Variants in PCCA observed in about 807,000 individuals in gnomAD.
PCCA encodes the protein propionyl-CoA carboxylase alpha chain, mitochondrial.
PCCA carries 74 observed loss-of-function variants against 101.3 expected under a neutral mutation model. The observed-to-expected ratio is 0.73, with a 90% CI of 0.61 to 0.89. The LOEUF is 0.89. PCCA is among the 40% of genes least tolerant of loss of function. PCCA has a pLI of 0.00. For synonymous variants in PCCA, 294 were observed against 313.6 expected, an observed-to-expected ratio of 0.94 and a Z score of 0.66; for missense variants, 891 against 907.0, an observed-to-expected ratio of 0.98 and a Z score of 0.23.
chr13:100,164,924 A>G (rs2054875036), intron 6 of PCCA, among the ~76,000 whole-genome samples: 1 of 152,210 alleles, frequency 6.6e-6, no homozygotes, highest in Admixed American at 6.5e-5. Flanking sequence ...GGTACCTCAC[A>G]TAAGTGGAAT....
chr13:100,131,179 T>C (rs2050479780), intron 4 of PCCA, among the ~76,000 whole-genome samples: 1 of 152,088 alleles, frequency 6.6e-6, no homozygotes, highest in Admixed American at 6.5e-5. Flanking sequence ...CCTCATTCTC[T>C]GTGAGGTCTG....
chr13:100,415,208 A>G (rs1325172161), intron 19 of PCCA, among the ~76,000 whole-genome samples: 1 of 149,086 alleles, frequency 6.7e-6, no homozygotes, highest in Non-Finnish European at 1.5e-5. Flanking sequence ...GATCGAGACC[A>G]GCCTGGGCAC....
intron 18 of PCCA, among the ~76,000 whole-genome samples, chr13:100,361,459 T>TAA (rs781588470): frequency 0.65 from 98,317 of 150,710 alleles, 32,831 homozygotes; most frequent in Middle Eastern, 0.8. Context: ...TTTTTTTTTT[T>TAA]AAATCTGCTG....
intron 22 of PCCA, among the ~76,000 whole-genome samples, chr13:100,519,018 TAA>T (rs1259592478): frequency 6.6e-6 from 1 of 152,234 alleles, no homozygotes; most frequent in Non-Finnish European, 1.5e-5. Context: ...TGAAGTCAAA[TAA>T]AGTCATGATG....
intron 21 of PCCA, among the ~76,000 whole-genome samples, chr13:100,463,947 C>T (rs1430051253): frequency 6.6e-6 from 1 of 152,134 alleles, no homozygotes; most frequent in East Asian, 1.9e-4. Context: ...GATCTGTTGC[C>T]ACCTGCCAAA....
chr13:100,515,690 A>C (rs2086786944), intron 22 of PCCA, 123 bp downstream of exon 22: 2 of 1,129,304 alleles, frequency 1.8e-6, no homozygotes, highest in African/African-American at 1.5e-5. Flanking sequence ...CGCCCCCTAA[A>C]CAGCAAAATC....
At chr13:100,425,235 A>AG (rs2079062721) in intron 19 of PCCA, among the ~76,000 whole-genome samples, 1 of 152,242 alleles carries the variant, frequency 6.6e-6, no homozygotes, top group South Asian at 2.1e-4. Flanking sequence ...AAATTAACAC[A>AG]GAAAAAGTTC....
At chr13:100,435,857 A>G (rs2079892301) in intron 20 of PCCA, among the ~76,000 whole-genome samples, 1 of 152,122 alleles carries the variant, frequency 6.6e-6, no homozygotes, top group Non-Finnish European at 1.5e-5. Context: ...CAGTCTGGCC[A>G]ACATCGTGAA....
At chr13:100,167,012 C>T (rs975692311) in intron 6 of PCCA, among the ~76,000 whole-genome samples, 9 of 152,010 alleles carry the variant, frequency 5.9e-5, no homozygotes, top group Non-Finnish European at 7.4e-5. Flanking sequence ...ATATCTTTGT[C>T]GATGTGTTTG....
chr13:100,443,381 G>A (rs919471736), intron 20 of PCCA, among the ~76,000 whole-genome samples: 1 of 151,696 alleles, frequency 6.6e-6, no homozygotes, highest in African/African-American at 2.4e-5. Flanking sequence ...CTGGAGTCCA[G>A]GCAGTTGCTG....
intron 8 of PCCA, among the ~76,000 whole-genome samples, chr13:100,252,724 C>T (rs771345200): frequency 6.6e-6 from 1 of 152,120 alleles, no homozygotes; most frequent in Non-Finnish European, 1.5e-5. Context: ...TCCTAAGCTC[C>T]TAGAATCTTC....
intron 12 of PCCA, among the ~76,000 whole-genome samples, chr13:100,281,643 C>T (rs529698598): frequency 7.2e-5 from 11 of 152,314 alleles, no homozygotes; most frequent in Non-Finnish European, 1.5e-5. Context: ...ACTCTCCATA[C>T]CACACTTTTA....
chr13:100,447,097 A>G (rs2080884137), intron 20 of PCCA, among the ~76,000 whole-genome samples: 1 of 152,158 alleles, frequency 6.6e-6, no homozygotes, highest in South Asian at 2.1e-4. Context: ...TAGAAGTAAA[A>G]TGGGTTGGCT....
chr13:100,244,799 G>C (rs192160196), intron 8 of PCCA, among the ~76,000 whole-genome samples: 39 of 152,114 alleles, frequency 2.6e-4, no homozygotes, highest in Middle Eastern at 6.8e-3. Context: ...TCATAAAATA[G>C]TGTCATGTAT....
At chr13:100,283,812 T>C (rs917092333) in intron 12 of PCCA, among the ~76,000 whole-genome samples, 2 of 152,252 alleles carry the variant, frequency 1.3e-5, no homozygotes, top group Non-Finnish European at 2.9e-5. Context: ...GGGCTTGTTA[T>C]CAGTGTGGTT....
At chr13:100,192,964 CTT>C (rs1734442909) in intron 6 of PCCA, among the ~76,000 whole-genome samples, 1 of 152,084 alleles carries the variant, frequency 6.6e-6, no homozygotes, top group Non-Finnish European at 1.5e-5. Context: ...ACTATAAACT[CTT>C]GAGTGTGAAA....
At chr13:100,354,883 A>G (rs2073797837) in intron 18 of PCCA, among the ~76,000 whole-genome samples, 2 of 152,226 alleles carry the variant, frequency 1.3e-5, no homozygotes, top group Admixed American at 6.5e-5. Flanking sequence ...TCAGGACCAG[A>G]TGACTTCATT....
intron 16 of PCCA, among the ~76,000 whole-genome samples, chr13:100,314,696 T>C (rs1259981568): frequency 1.3e-5 from 2 of 152,086 alleles, no homozygotes; most frequent in Non-Finnish European, 2.9e-5. Flanking sequence ...ACAAACCAAA[T>C]TGAAAGACAG....
At chr13:100,488,620 GTT>G (rs1370836335) in intron 21 of PCCA, among the ~76,000 whole-genome samples, 3 of 121,706 alleles carry the variant, frequency 2.5e-5, no homozygotes, top group East Asian at 3.6e-4. Context: ...TACAAGTTTT[GTT>G]TTTTTGTTTT....
Sources: gnomAD v4.1 joint callset for allele counts (sites outside exome capture counted in the v4.1 genomes callset) on GRCh38, gnomAD v4.1.1 for gene constraint, MANE v1.5 for transcripts, NCBI Gene and HGNC (gene_info 2026-07-23, HGNC 2026-07-21) for gene names.